MINDY4B: variants seen among roughly 807,000 people sequenced by gnomAD.
MINDY4B encodes inactive ubiquitin carboxyl-terminal hydrolase MINDY-4B.
MINDY4B carries 25 observed loss-of-function variants against 16.7 expected under a neutral mutation model. That is an observed-to-expected ratio of 1.49 (90% CI 1.09 to 2.09). MINDY4B has a LOEUF of 2.09. MINDY4B is among the 30% of genes most tolerant of loss of function. MINDY4B has a pLI of 0.00. For missense variants in MINDY4B, 327 were observed against 168.4 expected (o/e 1.94, Z -5.21); for synonymous variants, 132 against 61.9 (o/e 2.13, Z -5.32).
intron 7 of MINDY4B, among the ~76,000 whole-genome samples, chr3:150,886,795 C>T (rs547930729): frequency 6.6e-6 from 1 of 152,126 alleles, no homozygotes; most frequent in East Asian, 1.9e-4. Flanking sequence ...TTATAAAGAC[C>T]CTTTTGATTA....
chr3:150,883,188 A>G (rs1711549989), intron 9 of MINDY4B, 130 bp from the exon 10 acceptor site: 1 of 569,306 alleles, frequency 1.8e-6, no homozygotes, highest in Non-Finnish European at 3.1e-6. Context: ...ATATTTCAGG[A>G]AAAATATGTC....
At chr3:150,890,837 G>A in intron 6 of MINDY4B, 101 bp downstream of exon 6, 1 of 645,940 alleles carries the variant, frequency 1.5e-6, no homozygotes, top group Non-Finnish European at 2.9e-6. Flanking sequence ...GGTCACATCA[G>A]GAGCATGGAT....
intron 10 of MINDY4B, among the ~76,000 whole-genome samples, chr3:150,874,005 ATTTTTTT>A (rs558319330): frequency 1.3e-4 from 11 of 81,988 alleles, no homozygotes; most frequent in South Asian, 5.8e-4. Context: ...TTTAGCCTTG[ATTTTTTT>A]TTTTTTTTTT....
intron 10 of MINDY4B, among the ~76,000 whole-genome samples, chr3:150,882,379 G>A (rs1410539958): frequency 6.6e-6 from 1 of 151,972 alleles, no homozygotes; most frequent in South Asian, 2.1e-4. Flanking sequence ...AGTTTCAAAC[G>A]TAGGGGCCCC....
chr3:150,882,552 A>T (rs1012623595), intron 10 of MINDY4B, among the ~76,000 whole-genome samples: 7 of 148,486 alleles, frequency 4.7e-5, no homozygotes, highest in Non-Finnish European at 1.0e-4. Flanking sequence ...TCCTTTGTGT[A>T]TGTGTATGTG....
chr3:150,898,211 G>A (rs890364154), intron 3 of MINDY4B, among the ~76,000 whole-genome samples: 18 of 152,210 alleles, frequency 1.2e-4, no homozygotes, highest in South Asian at 2.1e-4. Context: ...ATCTTGTGCC[G>A]TATGGAAGAA....
intron 7 of MINDY4B, among the ~76,000 whole-genome samples, chr3:150,887,157 C>T (rs1711647409): frequency 6.6e-6 from 1 of 152,156 alleles, no homozygotes; most frequent in African/African-American, 2.4e-5. Context: ...GAAACACAGG[C>T]ATTGCAGTAC....
intron 10 of MINDY4B, among the ~76,000 whole-genome samples, chr3:150,876,418 GGT>G (rs1438381543): frequency 6.6e-6 from 1 of 152,164 alleles, no homozygotes; most frequent in East Asian, 1.9e-4. Context: ...ACAGGAGAAA[GGT>G]GTTTGAAACG....
chr3:150,902,121 ACT>A (rs1468219453), intron 3 of MINDY4B, among the ~76,000 whole-genome samples: 2 of 151,904 alleles, frequency 1.3e-5, no homozygotes, highest in Non-Finnish European at 2.9e-5. Flanking sequence ...TTTAGTCCCC[ACT>A]CATCCTCTCA....
At position 150,900,161 on chromosome 3, in the gene MINDY4B, T is replaced by A. The variant is rs183570780; in HGVS notation, c.309+3088A>T. On this transcript the variant is annotated intron_variant, in intron 3 of 11. Transcript: ENST00000465419. ...AGCCAGCAGCCTTGGCCAGAGTTTG[T>A]TCCAACACATATGTTCAAAGATGTC... Among the ~76,000 whole-genome samples the A allele has an allele frequency of 1.6e-3, 248 of 152,292 alleles. 2 individuals are homozygous for A. Among genetic ancestry groups the A allele is most frequent in the African/African-American group, 5.8e-3 (242 of 41,562 alleles).
intron 11 of MINDY4B, among the ~76,000 whole-genome samples, chr3:150,871,718 C>T (rs776978112): frequency 3.2e-4 from 49 of 152,140 alleles, no homozygotes; most frequent in Admixed American, 1.4e-3. Context: ...TGTGTGGTGG[C>T]GCGCGCCTGT....
At position 150,891,521 on chromosome 3, in the gene MINDY4B, G is replaced by C. The variant is rs575489065; in HGVS notation, c.522-418C>G. On this transcript the variant is annotated intron_variant, in intron 5 of 11. Transcript: ENST00000465419. ...TCATGCCTGTAATCCCAGTACTTTA[G>C]GAGGCTGAGGCAGGTGGATAACTTG... Among the ~76,000 whole-genome samples the C allele has an allele frequency of 5.3e-5, 8 of 152,260 alleles. No homozygotes were observed. The South Asian group carries it at 1.7e-3, about 32-fold the overall frequency.
In MINDY4B at chr3:150,884,314, C is replaced by T. The variant is rs115183440; in HGVS notation, c.825-542G>A. ...CCTGCTGTCACTTAGGGGGAATTGC[C>T]GCATACTAGTATGTGAACTGTATGT... On this transcript the variant is annotated intron_variant, in intron 8 of 11. Coordinates refer to ENST00000465419, the MANE Select transcript of MINDY4B (RefSeq NM_001351281.2). Among the ~76,000 whole-genome samples the T allele has an allele frequency of 4.2e-3, 647 of 152,244 alleles. 4 individuals are homozygous for T. The highest frequency in any genetic ancestry group is 7.0e-3 in the Non-Finnish European group (478 of 68,008).
intron 10 of MINDY4B, among the ~76,000 whole-genome samples, chr3:150,882,139 A>C (rs1711530765): frequency 6.6e-6 from 1 of 152,234 alleles, no homozygotes; most frequent in Non-Finnish European, 1.5e-5. Flanking sequence ...GTGTTGTTAC[A>C]GAGTCTGCCT....
Position 150,878,116 on chromosome 3 carries a change from C to T in MINDY4B, c.1060-4749G>A, listed in dbSNP as rs202130817. ...AATACTGATTACAACTTGGAGTGGA[C>T]GTGGGGATTCAATAAATAAATGAAA... On this transcript the variant is annotated intron_variant, in intron 10 of 11. Transcript: ENST00000465419. Among the ~76,000 whole-genome samples, 18 of 151,870 alleles carry T rather than the reference C, an allele frequency of 1.2e-4. No individual in the cohort carries two copies. The East Asian group carries it at 2.9e-3, about 25-fold the overall frequency.
At chr3:150,896,774 T>C (rs766992993) in intron 3 of MINDY4B, among the ~76,000 whole-genome samples, 4 of 152,160 alleles carry the variant, frequency 2.6e-5, no homozygotes, top group Admixed American at 6.5e-5. Flanking sequence ...CCTGTTCTGG[T>C]GGAGGTGGCA....
intron 3 of MINDY4B, among the ~76,000 whole-genome samples, chr3:150,899,417 T>G (rs562584273): frequency 6.6e-6 from 1 of 152,302 alleles, no homozygotes; most frequent in East Asian, 1.9e-4. Flanking sequence ...GCTAATGCAG[T>G]GTCCCAGCAA....
chr3:150,904,796 A>T (rs1055366280), intron 2 of MINDY4B, among the ~76,000 whole-genome samples: 1 of 152,218 alleles, frequency 6.6e-6, no homozygotes, highest in African/African-American at 2.4e-5. Flanking sequence ...GGAACTTTCG[A>T]TTTTAATATT....
In MINDY4B at chr3:150,873,044, C is replaced by T. The variant is rs918015239; in HGVS notation, c.1240+143G>A. ...TACTTGGGTTTAGGGCCATGGGATT[C>T]ATGTGTGGGTTTCATTTCAGAAACT... On this transcript the variant is annotated intron_variant, in intron 11 of 11. Transcript: ENST00000465419. 13 of 563,526 alleles carry T rather than the reference C, an allele frequency of 2.3e-5. No homozygotes were observed. The Admixed American group carries it at 3.2e-4, about 14-fold the overall frequency. 34.9% of individuals were successfully genotyped at this position (563,526 alleles called of 1,614,324 possible). A position where few individuals can be genotyped will look rare whatever the true frequency, so the allele number is the denominator to read the frequency against.
Sources: allele counts gnomAD v4.1 joint callset (sites outside exome capture counted in the v4.1 genomes callset), GRCh38; gene constraint gnomAD v4.1.1; transcripts MANE v1.5; gene names NCBI Gene and HGNC (gene_info 2026-07-23, HGNC 2026-07-21).